Variants in KCNB2 observed in about 807,000 individuals in gnomAD.
KCNB2 encodes delayed rectifier potassium channel protein.
In KCNB2, 15 loss-of-function variants were observed where a neutral mutation model predicts 61.5. That is an observed-to-expected ratio of 0.24 (90% CI 0.16 to 0.38). KCNB2 has a LOEUF of 0.38. KCNB2 is among the 10% of genes least tolerant of loss of function. The probability of loss-of-function intolerance (pLI) is 1.00; values close to 1 mark genes in which losing one functional copy is unlikely to be tolerated. For missense variants in KCNB2, 828 were observed against 1,125.2 expected (o/e 0.74, Z 3.78); for synonymous variants, 457 against 446.0 (o/e 1.02, Z -0.31).
At chr8:72,835,333 C>T (rs1809763751) in intron 2 of KCNB2, among the ~76,000 whole-genome samples, 1 of 152,180 alleles carries the variant, frequency 6.6e-6, no homozygotes, top group Non-Finnish European at 1.5e-5. Flanking sequence ...GGGATATGGT[C>T]ACTTTGCCTT....
Position 72,670,736 on chromosome 8 carries a change from A to G in KCNB2, c.579+102423A>G, listed in dbSNP as rs185769279. ...TAAATCCAACCTGGCTTTAAGGTAT[A>G]TCTCCCAGGAATTAATCATTTGCCT... is the stretch of plus-strand genomic sequence containing the variant. On this transcript the variant is annotated intron_variant, in intron 2 of 2. Transcript: ENST00000523207. 1.4e-3 allele frequency among the ~76,000 whole-genome samples: 216 copies of G among 152,334 alleles called. 1 individual carries two copies. Among genetic ancestry groups the G allele is most frequent in the African/African-American group, 4.8e-3 (200 of 41,574 alleles).
intron 1 of KCNB2, 60 bp downstream of exon 1, chr8:72,537,945 G>A (rs1201331011): frequency 6.6e-6 from 1 of 152,230 alleles, no homozygotes; most frequent in Non-Finnish European, 1.5e-5. Flanking sequence ...ATGAATCATC[G>A]CGGCAGCCTA....
intron 2 of KCNB2, among the ~76,000 whole-genome samples, chr8:72,731,804 A>G (rs918889495): frequency 1.3e-5 from 2 of 152,234 alleles, no homozygotes; most frequent in African/African-American, 4.8e-5. Flanking sequence ...GTTTGTACAG[A>G]TAATTGATTT....
rs1380923784 is a variant in KCNB2 at position 72,567,582 on chromosome 8, C to G, written c.-93-60C>G. ...TCTGGTTGTTACAACAGAATGATCC[C>G]ATAGAACAGAAACACTCTAGGAAAA... On this transcript the variant is annotated intron_variant, in intron 1 of 2. Coordinates refer to ENST00000523207, the MANE Select transcript of KCNB2 (RefSeq NM_004770.3). 5 of 588,992 alleles carry G rather than the reference C, an allele frequency of 8.5e-6. No homozygotes were observed. In the East Asian group the frequency reaches 1.1e-4, roughly 13 times the overall value. 36.5% of individuals were successfully genotyped at this position (588,992 alleles called of 1,614,324 possible). A position where few individuals can be genotyped will look rare whatever the true frequency, so the allele number is the denominator to read the frequency against.
chr8:72,904,818 C>T (rs1489328585), intron 2 of KCNB2, among the ~76,000 whole-genome samples: 1 of 151,986 alleles, frequency 6.6e-6, no homozygotes, highest in Non-Finnish European at 1.5e-5. Context: ...TGCCTCCCCA[C>T]CCCTCTCTGC....
At chr8:72,551,030 C>A (rs1806337703) in intron 1 of KCNB2, among the ~76,000 whole-genome samples, 1 of 152,080 alleles carries the variant, frequency 6.6e-6, no homozygotes, top group South Asian at 2.1e-4. Flanking sequence ...ACAGTTAAGA[C>A]ATCTCCATTC....
chr8:72,687,206 G>C, intron 2 of KCNB2, among the ~76,000 whole-genome samples: 1 of 152,112 alleles, frequency 6.6e-6, no homozygotes, highest in East Asian at 1.9e-4. Context: ...TAAAAACAAA[G>C]CAATTTTTAG....
intron 2 of KCNB2, among the ~76,000 whole-genome samples, chr8:72,599,417 T>G (rs1401814849): frequency 1.3e-5 from 2 of 152,128 alleles, no homozygotes; most frequent in East Asian, 3.8e-4. Flanking sequence ...TGAAACTGGA[T>G]CCCTTCCTTA....
At chr8:72,856,507 G>A (rs1335382079) in intron 2 of KCNB2, among the ~76,000 whole-genome samples, 1 of 152,156 alleles carries the variant, frequency 6.6e-6, no homozygotes, top group Non-Finnish European at 1.5e-5. Context: ...AGACCTTGAA[G>A]AAGTCAAATG....
intron 2 of KCNB2, among the ~76,000 whole-genome samples, chr8:72,576,169 T>C (rs1265528099): frequency 6.6e-6 from 1 of 152,226 alleles, no homozygotes; most frequent in African/African-American, 2.4e-5. Context: ...TATTTTTGTT[T>C]TGAGCATTGA....
intron 2 of KCNB2, among the ~76,000 whole-genome samples, chr8:72,775,300 G>C (rs1443892638): frequency 1.3e-5 from 2 of 152,192 alleles, no homozygotes; most frequent in African/African-American, 4.8e-5. Context: ...AGCAGGTAAA[G>C]TCAAGCAACA....
At chr8:72,725,510 C>CATATATATAT (rs774224955) in intron 2 of KCNB2, among the ~76,000 whole-genome samples, 3 of 58,928 alleles carry the variant, frequency 5.1e-5, no homozygotes, top group East Asian at 3.7e-4. Context: ...TCTTTGTCTT[C>CATATATATAT]ATATATATAT....
chr8:72,570,673 T>C (rs1047510479), intron 2 of KCNB2, among the ~76,000 whole-genome samples: 1 of 152,166 alleles, frequency 6.6e-6, no homozygotes, highest in African/African-American at 2.4e-5. Flanking sequence ...ATATTACAGC[T>C]GCAGTAGGGT....
intron 2 of KCNB2, among the ~76,000 whole-genome samples, chr8:72,775,704 G>A (rs1031742046): frequency 1.1e-4 from 15 of 141,634 alleles, no homozygotes; most frequent in Non-Finnish European, 2.1e-4. Context: ...GGGAGATTAA[G>A]TGGCTATATG....
chr8:72,682,962 A>T (rs540995991), intron 2 of KCNB2, among the ~76,000 whole-genome samples: 1 of 152,306 alleles, frequency 6.6e-6, no homozygotes, highest in South Asian at 2.1e-4. Flanking sequence ...CATCATTGAG[A>T]TAAGATTGCT....
At chr8:72,608,977 A>T (rs764110368) in intron 2 of KCNB2, among the ~76,000 whole-genome samples, 1 of 152,226 alleles carries the variant, frequency 6.6e-6, no homozygotes, top group Non-Finnish European at 1.5e-5. Flanking sequence ...GCAATTATGT[A>T]TAACAAGTAA....
chr8:72,749,391 C>T (rs1808144282), intron 2 of KCNB2: 4 of 151,930 alleles, frequency 2.6e-5, no homozygotes, highest in African/African-American at 9.7e-5. Flanking sequence ...CAAGGGATTC[C>T]AAGAGTGACC....
At chr8:72,669,327 A>G (rs1406186203) in intron 2 of KCNB2, among the ~76,000 whole-genome samples, 1 of 152,244 alleles carries the variant, frequency 6.6e-6, no homozygotes, top group Admixed American at 6.5e-5. Context: ...GAATTAATGT[A>G]TCATAGCTCA....
intron 2 of KCNB2, among the ~76,000 whole-genome samples, chr8:72,696,499 G>T (rs770684050): frequency 7.8e-4 from 119 of 152,088 alleles, no homozygotes; most frequent in Non-Finnish European, 1.3e-3. Flanking sequence ...GTGTTGGGGG[G>T]TTATGATGTG....
Sources: allele counts gnomAD v4.1 joint callset (sites outside exome capture counted in the v4.1 genomes callset), GRCh38; gene constraint gnomAD v4.1.1; transcripts MANE v1.5; gene names NCBI Gene and HGNC (gene_info 2026-07-23, HGNC 2026-07-21).